Variants in NOL4 observed in about 807,000 individuals in gnomAD.
The protein encoded by NOL4 is cancer/testis antigen 125.
NOL4 carries 17 observed loss-of-function variants against 75.9 expected under a neutral mutation model. The ratio of observed to expected loss-of-function variants is 0.22; its 90% CI spans 0.15 to 0.34. The LOEUF (loss-of-function observed/expected upper bound fraction) is 0.34. Ranked by LOEUF, NOL4 falls within the 10% of genes least tolerant of loss-of-function variation. The pLI is 1.00. For missense variants in NOL4, 614 were observed against 793.5 expected, an observed-to-expected ratio of 0.77 and a Z score of 2.72; for synonymous variants, 292 against 289.9, an observed-to-expected ratio of 1.01 and a Z score of -0.07.
chr18:34,216,769 G>T (rs1032832112), intron 1 of NOL4, among the ~76,000 whole-genome samples: 1 of 151,696 alleles, frequency 6.6e-6, no homozygotes, highest in Non-Finnish European at 1.5e-5. Context: ...ACGGAAATTT[G>T]TAATTGGTAA....
chr18:33,897,338 T>G (rs377429759), intron 9 of NOL4, among the ~76,000 whole-genome samples: 1 of 152,220 alleles, frequency 6.6e-6, no homozygotes, highest in African/African-American at 2.4e-5. Flanking sequence ...ACACTATTCA[T>G]GATAGCAAAG....
At chr18:33,987,779 G>T (rs138454840) in intron 6 of NOL4, among the ~76,000 whole-genome samples, 245 of 152,058 alleles carry the variant, frequency 1.6e-3, no homozygotes, top group African/African-American at 5.5e-3. Context: ...ATCTCCTATG[G>T]ACTAGCAGCC....
chr18:33,991,711 T>TA (rs1415130813), intron 6 of NOL4, among the ~76,000 whole-genome samples: 1 of 152,018 alleles, frequency 6.6e-6, no homozygotes, highest in African/African-American at 2.4e-5. Context: ...TTAAATCAGG[T>TA]AAAATTAAGT....
intron 6 of NOL4, among the ~76,000 whole-genome samples, chr18:34,015,525 T>A (rs1478146428): frequency 1.3e-5 from 2 of 152,024 alleles, no homozygotes; most frequent in African/African-American, 4.8e-5. Context: ...TGGGTATATG[T>A]TTCTCCACAA....
At chr18:34,032,838 G>T (rs1443550200) in intron 5 of NOL4, among the ~76,000 whole-genome samples, 1 of 152,090 alleles carries the variant, frequency 6.6e-6, no homozygotes, top group Non-Finnish European at 1.5e-5. Context: ...GCCATCACTG[G>T]GGCCTAAAGA....
At chr18:34,065,239 C>T (rs1003578064) in intron 5 of NOL4, among the ~76,000 whole-genome samples, 1 of 151,770 alleles carries the variant, frequency 6.6e-6, no homozygotes, top group Non-Finnish European at 1.5e-5. Context: ...TCAAGGATCC[C>T]CAATCATCTC....
chr18:33,967,309 CACAT>C (rs2070685295), intron 6 of NOL4, among the ~76,000 whole-genome samples: 1 of 152,130 alleles, frequency 6.6e-6, no homozygotes, highest in Non-Finnish European at 1.5e-5. Flanking sequence ...TACCTATCAC[CACAT>C]ACACAAATTA....
intron 5 of NOL4, among the ~76,000 whole-genome samples, chr18:34,019,935 G>T (rs1379934850): frequency 6.6e-6 from 1 of 151,582 alleles, no homozygotes; most frequent in Non-Finnish European, 1.5e-5. Context: ...TTCTTGCTCT[G>T]GGAGTTCATA....
chr18:33,952,678 A>C (rs2145681043), intron 8 of NOL4, among the ~76,000 whole-genome samples: 1 of 152,210 alleles, frequency 6.6e-6, no homozygotes, highest in East Asian at 1.9e-4. Context: ...TAATCCCAGC[A>C]CTTTGGGAGG....
At chr18:34,024,946 C>T (rs1307527986) in intron 5 of NOL4, among the ~76,000 whole-genome samples, 1 of 151,888 alleles carries the variant, frequency 6.6e-6, no homozygotes, top group African/African-American at 2.4e-5. Flanking sequence ...TGCTTAGGAG[C>T]CATATGTGAG....
At chr18:33,955,399 T>G (rs1250122636) in intron 8 of NOL4, among the ~76,000 whole-genome samples, 1 of 152,040 alleles carries the variant, frequency 6.6e-6, no homozygotes, top group Non-Finnish European at 1.5e-5. Context: ...TTAAATCCTC[T>G]AAAAAAACAT....
chr18:33,879,088 G>T (rs1206092342), intron 10 of NOL4, among the ~76,000 whole-genome samples: 1 of 151,994 alleles, frequency 6.6e-6, no homozygotes, highest in East Asian at 1.9e-4. Context: ...AAGTTTATTT[G>T]CATCACTTTT....
intron 10 of NOL4, among the ~76,000 whole-genome samples, chr18:33,868,649 TCACACACACA>T (rs10669407): frequency 5.4e-4 from 75 of 137,960 alleles, no homozygotes; most frequent in South Asian, 2.0e-3. Flanking sequence ...TTCCTGTATT[TCACACACACA>T]CACACACACA....
chr18:34,095,360 A>T (rs2078728732), intron 4 of NOL4, among the ~76,000 whole-genome samples: 1 of 151,934 alleles, frequency 6.6e-6, no homozygotes, highest in South Asian at 2.1e-4. Flanking sequence ...AGTGTTGATC[A>T]TATACAAATA....
At chr18:33,881,282 T>C (rs1363393722) in intron 10 of NOL4, among the ~76,000 whole-genome samples, 1 of 150,274 alleles carries the variant, frequency 6.7e-6, no homozygotes, top group East Asian at 1.9e-4. Flanking sequence ...CAATGGGGTT[T>C]TCTAGATATA....
chr18:34,194,131 T>A (rs1307964448), intron 1 of NOL4, among the ~76,000 whole-genome samples: 3 of 152,120 alleles, frequency 2.0e-5, no homozygotes, highest in Non-Finnish European at 4.4e-5. Context: ...TTAGGAGGAA[T>A]AATTTCAAAA....
At chr18:34,033,937 C>T (rs537388632) in intron 5 of NOL4, among the ~76,000 whole-genome samples, 24 of 152,062 alleles carry the variant, frequency 1.6e-4, no homozygotes, top group African/African-American at 3.6e-4. Context: ...ATACTATACC[C>T]AGCAAAATTA....
chr18:34,055,215 G>A (rs1416352495), intron 5 of NOL4, among the ~76,000 whole-genome samples: 1 of 151,506 alleles, frequency 6.6e-6, no homozygotes. Context: ...CCTATATGTG[G>A]CCATGTATTT....
chr18:34,034,537 G>A (rs754728818), intron 5 of NOL4, among the ~76,000 whole-genome samples: 8 of 152,070 alleles, frequency 5.3e-5, no homozygotes, highest in Non-Finnish European at 8.8e-5. Context: ...CCAGGAGTTC[G>A]AGACCAGCCT....
Sources: gnomAD v4.1 joint callset for allele counts (sites outside exome capture counted in the v4.1 genomes callset) on GRCh38, gnomAD v4.1.1 for gene constraint, MANE v1.5 for transcripts, NCBI Gene and HGNC (gene_info 2026-07-23, HGNC 2026-07-21) for gene names.